CSMD1: variants seen among roughly 807,000 people sequenced by gnomAD.
CSMD1 encodes the protein CUB and sushi domain-containing protein 1.
A neutral mutation model predicts 417.5 loss-of-function variants in CSMD1; 213 were observed. That is an observed-to-expected ratio of 0.51 (90% CI 0.46 to 0.57). The LOEUF (loss-of-function observed/expected upper bound fraction) is 0.57, where lower values mean the gene tolerates loss of function less well. Among genes scored for constraint, CSMD1 ranks in the 20% least tolerant of loss-of-function variants. The pLI, the probability that CSMD1 is intolerant of heterozygous loss-of-function variation, is 0.00. For missense variants in CSMD1, 6,923 were observed against 4,529.7 expected (o/e 1.53, Z -15.17); for synonymous variants, 2,862 against 1,736.8 (o/e 1.65, Z -16.11).
At chr8:3,361,714 T>TTATTATGTGC (rs1563311061) in intron 20 of CSMD1, among the ~76,000 whole-genome samples, 1 of 151,100 alleles carries the variant, frequency 6.6e-6, no homozygotes, top group African/African-American at 2.4e-5. Flanking sequence ...TATTTTGATA[T>TTATTATGTGC]TATTATGTGC....
intron 49 of CSMD1, among the ~76,000 whole-genome samples, chr8:3,079,885 C>T (rs748172737): frequency 2.0e-5 from 3 of 152,094 alleles, no homozygotes; most frequent in African/African-American, 4.8e-5. Flanking sequence ...GACATATCCA[C>T]GTGCATCCTC....
intron 12 of CSMD1, among the ~76,000 whole-genome samples, chr8:3,445,494 G>A (rs1171811198): frequency 6.6e-6 from 1 of 152,106 alleles, no homozygotes; most frequent in Non-Finnish European, 1.5e-5. Context: ...ATGGAACCAA[G>A]CCTCTATAGC....
rs369294641 is a variant in CSMD1, at chr8:2,943,248, GAC to G, written c.10403-646_10403-645del. On this transcript the variant is annotated intron_variant, in intron 68 of 69. Transcript: ENST00000635120. ...AATTTTTCTTTTTTTTTTTTTCTGA[GAC>G]AGAGTCTCACCCTGTTGCCCAGGCT... 1.7e-3 allele frequency among the ~76,000 whole-genome samples: 249 copies of G among 147,076 alleles called. 1 individual carries two copies. The highest frequency in any genetic ancestry group is 6.0e-3 in the African/African-American group (237 of 39,506).
At chr8:4,617,924 C>G (rs984299129) in intron 2 of CSMD1, among the ~76,000 whole-genome samples, 1 of 152,160 alleles carries the variant, frequency 6.6e-6, no homozygotes, top group African/African-American at 2.4e-5. Flanking sequence ...TATGCAATAA[C>G]ACTTGTTAAT....
chr8:3,590,486 T>A (rs1382240100), intron 8 of CSMD1, among the ~76,000 whole-genome samples: 2 of 152,108 alleles, frequency 1.3e-5, no homozygotes, highest in African/African-American at 4.8e-5. Flanking sequence ...GGAGGATTGC[T>A]CCTGAGCTTC....
intron 4 of CSMD1, among the ~76,000 whole-genome samples, chr8:4,018,020 C>T (rs1005822227): frequency 5.3e-5 from 8 of 152,106 alleles, no homozygotes; most frequent in Non-Finnish European, 8.8e-5. Flanking sequence ...TTTGTCCACT[C>T]GTAACTGTCA....
chr8:4,335,232 C>A (rs887696988), intron 3 of CSMD1, among the ~76,000 whole-genome samples: 7 of 151,966 alleles, frequency 4.6e-5, no homozygotes, highest in African/African-American at 1.7e-4. Flanking sequence ...GATACTGATC[C>A]CATTTGTGAA....
intron 3 of CSMD1, among the ~76,000 whole-genome samples, chr8:4,136,716 G>C (rs1014330084): frequency 4.6e-5 from 7 of 152,136 alleles, no homozygotes; most frequent in Non-Finnish European, 7.4e-5. Flanking sequence ...ATCTTATGTA[G>C]CCATCAAGCC....
chr8:3,997,487 G>A lies in CSMD1; in HGVS notation c.818+416C>T, dbSNP rs189523951. ...ACAGAATGTGGTACACAGTCTTCAC[G>A]AAGAAAAAGGAAAGCACAATCATAT... On this transcript the variant is annotated intron_variant, in intron 5 of 69. Coordinates refer to ENST00000635120, the MANE Select transcript of CSMD1 (RefSeq NM_033225.6). 7.2e-5 allele frequency among the ~76,000 whole-genome samples: 11 copies of A among 152,264 alleles called. No homozygotes were observed. The East Asian group carries it at 9.7e-4, about 13-fold the overall frequency.
chr8:3,087,164 G>A lies in CSMD1; in HGVS notation c.7407C>T (p.Ser2469=). Residue 2469 remains serine, a synonymous_variant, in exon 49 of 70, where the codon AGC becomes AGT. Coordinates refer to ENST00000635120, the MANE Select transcript of CSMD1 (RefSeq NM_033225.6). ...CKPGYRMVGH[S]NATCRRNPLG... is the part of the protein sequence containing the mutation. The stretch of plus-strand genomic sequence containing the variant: ...GTGGGTTTCGTCTACAGGTTGCATT[G>A]CTGTGGCCGACCATTCGGTATCCAG... The A allele has an allele frequency of 1.2e-6, 2 of 1,613,910 alleles. No individual in the cohort carries two copies. The highest frequency in any genetic ancestry group is 1.7e-6 in the Non-Finnish European group (2 of 1,179,884).
At chr8:3,380,544 G>A (rs1585079362) in intron 18 of CSMD1, among the ~76,000 whole-genome samples, 1 of 152,302 alleles carries the variant, frequency 6.6e-6, no homozygotes, top group African/African-American at 2.4e-5. Flanking sequence ...ATACATCATG[G>A]AATACTACGC....
intron 8 of CSMD1, among the ~76,000 whole-genome samples, chr8:3,609,373 G>C (rs1801777744): frequency 6.6e-6 from 1 of 152,148 alleles, no homozygotes; most frequent in Non-Finnish European, 1.5e-5. Flanking sequence ...AATACACTTT[G>C]TCTTTTAGAC....
chr8:4,233,357 G>GT (rs1344417483), intron 3 of CSMD1, among the ~76,000 whole-genome samples: 3 of 152,122 alleles, frequency 2.0e-5, no homozygotes, highest in African/African-American at 7.2e-5. Flanking sequence ...ACCTACATTA[G>GT]TTTTTCTCAG....
At chr8:4,049,357 G>A (rs1034995376) in intron 3 of CSMD1, among the ~76,000 whole-genome samples, 2 of 151,660 alleles carry the variant, frequency 1.3e-5, no homozygotes, top group Non-Finnish European at 2.9e-5. Flanking sequence ...CAAGCTCCTA[G>A]AGTTCTAACA....
chr8:3,701,043 G>A (rs1800836601), intron 7 of CSMD1, among the ~76,000 whole-genome samples: 1 of 151,902 alleles, frequency 6.6e-6, no homozygotes, highest in Non-Finnish European at 1.5e-5. Context: ...GGGCAGTCAG[G>A]GCTCACCAAG....
At chr8:3,640,187 G>C (rs1283114682) in intron 7 of CSMD1, among the ~76,000 whole-genome samples, 1 of 152,136 alleles carries the variant, frequency 6.6e-6, no homozygotes, top group Non-Finnish European at 1.5e-5. Context: ...CTGGTGCAGG[G>C]ATATTGCAGT....
chr8:3,665,590 T>C (rs1053806998), intron 7 of CSMD1, among the ~76,000 whole-genome samples: 10 of 152,162 alleles, frequency 6.6e-5, no homozygotes, highest in Non-Finnish European at 2.9e-5. Flanking sequence ...TCCCACTTAA[T>C]ATTAACCAAG....
chr8:3,978,451 A>G (rs1258415228), intron 5 of CSMD1, among the ~76,000 whole-genome samples: 4 of 152,152 alleles, frequency 2.6e-5, no homozygotes, highest in African/African-American at 9.7e-5. Flanking sequence ...ACCTACCAAT[A>G]CAGGCATTAT....
In CSMD1 at chr8:3,284,974, A is replaced by AT. The variant is rs570447742; in HGVS notation, c.3951-629dup. Among the ~76,000 whole-genome samples the AT allele has an allele frequency of 1.3e-3, 199 of 152,294 alleles. 1 individual carries two copies. The highest frequency in any genetic ancestry group is 4.7e-3 in the African/African-American group (194 of 41,574). On this transcript the variant is annotated intron_variant, in intron 25 of 69. Transcript: ENST00000635120. Reference sequence around the variant, plus strand: ...CCATACTTCTATTAGACTTCCAGGTATTTTTCAGAGTGACTTAAAAATCTC... The same window carrying AT: ...CCATACTTCTATTAGACTTCCAGGTATTTTTTCAGAGTGACTTAAAAATCTC...
Sources: gnomAD v4.1 joint callset for allele counts (sites outside exome capture counted in the v4.1 genomes callset) on GRCh38, gnomAD v4.1.1 for gene constraint, MANE v1.5 for transcripts, NCBI Gene and HGNC (gene_info 2026-07-23, HGNC 2026-07-21) for gene names.